PAPOLA: variants seen among roughly 807,000 people sequenced by gnomAD.
PAPOLA encodes poly(A) polymerase alpha.
A neutral mutation model predicts 100.6 loss-of-function variants in PAPOLA; 15 were observed. The ratio of observed to expected loss-of-function variants is 0.15; its 90% confidence interval spans 0.10 to 0.23. The LOEUF is 0.23. Among genes scored for constraint, PAPOLA ranks in the 10% least tolerant of loss-of-function variants. PAPOLA has a pLI of 1.00. For synonymous variants in PAPOLA, 293 were observed against 300.0 expected (o/e 0.98, Z 0.24); for missense variants, 533 against 884.2 (o/e 0.60, Z 5.04).
chr14:96,513,218 G>A (rs1411165004), intron 1 of PAPOLA, among the ~76,000 whole-genome samples: 1 of 151,936 alleles, frequency 6.6e-6, no homozygotes, highest in Non-Finnish European at 1.5e-5. Context: ...ACAGGTGCAT[G>A]CCACTACAGC....
intron 21 of PAPOLA, among the ~76,000 whole-genome samples, 190 bp from the exon 22 acceptor site, chr14:96,564,765 A>C (rs1478469292): frequency 1.3e-5 from 2 of 152,048 alleles, no homozygotes; most frequent in Non-Finnish European, 2.9e-5. Context: ...CCTTTGTTGA[A>C]CACATTATTT....
At chr14:96,503,210 C>T (rs1258319829) in intron 1 of PAPOLA, among the ~76,000 whole-genome samples, 2 of 152,226 alleles carry the variant, frequency 1.3e-5, no homozygotes, top group East Asian at 3.8e-4. Context: ...CCTCCGCCTC[C>T]CTAGCATTCA....
chr14:96,545,193 C>T (rs1900292313), intron 15 of PAPOLA, among the ~76,000 whole-genome samples: 1 of 151,870 alleles, frequency 6.6e-6, no homozygotes, highest in Non-Finnish European at 1.5e-5. Context: ...TACCTAATTA[C>T]AGGAGAGAAA....
chr14:96,526,541 T>C (rs1480735983), intron 4 of PAPOLA: 2 of 152,410 alleles, frequency 1.3e-5, no homozygotes, highest in East Asian at 3.8e-4. Flanking sequence ...TTTCCCGTGT[T>C]GTCCAGCTGG....
At chr14:96,564,325 A>G (rs1447914068) in intron 21 of PAPOLA, among the ~76,000 whole-genome samples, 1 of 152,112 alleles carries the variant, frequency 6.6e-6, no homozygotes, top group East Asian at 1.9e-4. Context: ...ATGGGGATGC[A>G]TTATACAGTG....
chr14:96,560,516 T>C (rs1901750741), intron 19 of PAPOLA, 133 bp from the exon 20 acceptor site: 4 of 630,324 alleles, frequency 6.3e-6, no homozygotes, highest in Non-Finnish European at 1.1e-5. Context: ...GGACCAGTTA[T>C]CTATTTTAAG....
chr14:96,534,232 A>G, intron 9 of PAPOLA: 1 of 1,280,844 alleles, frequency 7.8e-7, no homozygotes, highest in East Asian at 3.2e-5. Context: ...TTATTTAAAT[A>G]GTCCTTTAAA....
rs1457738483 is a variant in PAPOLA at position 96,532,368 on chromosome 14, A to G, written c.645A>G (p.Pro215=). The G allele has an allele frequency of 6.2e-7, 1 of 1,613,446 alleles. No individual in the cohort carries two copies. Among genetic ancestry groups the G allele is most frequent in the Non-Finnish European group, 8.5e-7 (1 of 1,179,892 alleles). The change falls in exon 8 of 22, where the codon CCA becomes CCG. Residue 215 remains proline (P), a synonymous_variant. Coordinates refer to ENST00000216277, the MANE Select transcript of PAPOLA (RefSeq NM_032632.5). ...RVTDEILHLV[P]NIDNFRLTLR... The stretch of plus-strand genomic sequence containing the variant: ...CCGATGAAATTTTACATCTAGTACC[A>G]AACATTGACAACTTCAGGTTAACTC...
intron 16 of PAPOLA, among the ~76,000 whole-genome samples, chr14:96,549,579 A>G (rs560526511): frequency 6.6e-6 from 1 of 152,278 alleles, no homozygotes; most frequent in East Asian, 1.9e-4. Context: ...ATGGTTTACT[A>G]AAAATTTAGT....
rs567567938 is a variant in PAPOLA at position 96,528,217 on chromosome 14, A to ACAGAAG, written c.495+212_495+217dup. ...ATACCAAGTGAAATTTGGAGCTAAA[A>ACAGAAG]CAGAAGTAATGAAACCTTAAGATTG... On this transcript the variant is annotated intron_variant, in intron 6 of 21. Coordinates refer to ENST00000216277, the MANE Select transcript of PAPOLA (RefSeq NM_032632.5). 5.3e-5 allele frequency among the ~76,000 whole-genome samples: 8 copies of ACAGAAG among 152,356 alleles called. No individual in the cohort carries two copies. The East Asian group carries it at 1.5e-3, about 29-fold the overall frequency.
rs529740874 is a variant in PAPOLA, at chr14:96,532,125, A to G, written c.608-206A>G. On this transcript the variant is annotated intron_variant, in intron 7 of 21. Transcript: ENST00000216277. ...TTGGTCAGTGCTTACAATAGGAGAT[A>G]AATGCTTTAGATTTTTTCCCCCTCT... 38 of 1,369,802 alleles carry G rather than the reference A, an allele frequency of 2.8e-5. No individual in the cohort carries two copies. In the African/African-American group the frequency reaches 5.4e-4, roughly 19 times the overall value. 84.9% of individuals were successfully genotyped at this position (1,369,802 alleles called of 1,614,324 possible).
chr14:96,550,716 C>T (rs1900780726), intron 16 of PAPOLA, among the ~76,000 whole-genome samples: 1 of 152,144 alleles, frequency 6.6e-6, no homozygotes, highest in Non-Finnish European at 1.5e-5. Context: ...TATATAGCTA[C>T]AGTATGATTA....
At chr14:96,557,485 G>T (rs992765122) in intron 19 of PAPOLA, among the ~76,000 whole-genome samples, 1 of 151,382 alleles carries the variant, frequency 6.6e-6, no homozygotes, top group Non-Finnish European at 1.5e-5. Context: ...TTTCTCCCTC[G>T]AGTCACTTTC....
intron 14 of PAPOLA, 42 bp downstream of exon 14, chr14:96,542,935 T>G (rs747035846): frequency 1.9e-6 from 3 of 1,601,480 alleles, no homozygotes; most frequent in Non-Finnish European, 2.6e-6. Flanking sequence ...CCATTTCCAA[T>G]TTTTATTCAT....
chr14:96,510,488 C>T (rs887145124), intron 1 of PAPOLA, among the ~76,000 whole-genome samples: 3 of 151,326 alleles, frequency 2.0e-5, no homozygotes, highest in East Asian at 1.9e-4. Flanking sequence ...CGCGCGCGTG[C>T]GCTTGTGCGC....
At chr14:96,550,727 A>C (rs1431958721) in intron 16 of PAPOLA, among the ~76,000 whole-genome samples, 1 of 152,190 alleles carries the variant, frequency 6.6e-6, no homozygotes, top group Non-Finnish European at 1.5e-5. Flanking sequence ...AGTATGATTA[A>C]ATCTACCCTG....
At chr14:96,544,365 A>G (rs1900221510) in intron 15 of PAPOLA, 107 bp downstream of exon 15, 1 of 618,948 alleles carries the variant, frequency 1.6e-6, no homozygotes, top group Non-Finnish European at 2.9e-6. Flanking sequence ...TTACTTGCGA[A>G]TATTGAACTA....
At chr14:96,548,391 A>G (rs1421840537) in intron 16 of PAPOLA, among the ~76,000 whole-genome samples, 1 of 152,154 alleles carries the variant, frequency 6.6e-6, no homozygotes, top group Non-Finnish European at 1.5e-5. Flanking sequence ...GGTCATGAAC[A>G]GAGGTCACTG....
Position 96,565,472 on chromosome 14 carries a change from T to C in PAPOLA, c.*422T>C. ...AACTAATTTTAGATTTTCAGCTTGA[T>C]GGATTTTCAGTTTTTCCTGAAGAAT... On this transcript the variant is annotated 3_prime_UTR_variant, in exon 22 of 22. Transcript: ENST00000216277. 2.6e-6 allele frequency: 1 copy of C among 378,958 alleles called. No homozygotes were observed. The highest frequency in any genetic ancestry group is 1.1e-4 in the South Asian group (1 of 9,212). The allele number at this position is 378,958 out of a possible 1,614,324, so 23.5% of individuals were successfully genotyped here.
Sources: allele counts gnomAD v4.1 joint callset (sites outside exome capture counted in the v4.1 genomes callset), GRCh38; gene constraint gnomAD v4.1.1; transcripts MANE v1.5; gene names NCBI Gene and HGNC (gene_info 2026-07-23, HGNC 2026-07-21).